NYAP2: variants seen among roughly 807,000 people sequenced by gnomAD.
NYAP2 encodes neuronal tyrosine-phosphorylated phosphoinositide-3-kinase adaptor 2, also known as neuronal tyrosine-phosphorylated phosphoinositide-3-kinase adapter 2.
NYAP2 carries 23 observed loss-of-function variants against 50.4 expected under a neutral mutation model. The observed-to-expected ratio is 0.46, with a 90% CI of 0.33 to 0.65. The LOEUF (loss-of-function observed/expected upper bound fraction) is 0.65. Among genes scored for constraint, NYAP2 ranks in the 30% least tolerant of loss-of-function variants. The probability of loss-of-function intolerance (pLI) is 0.02; values close to 1 mark genes in which losing one functional copy is unlikely to be tolerated. For missense variants in NYAP2, 885 were observed against 861.0 expected (o/e 1.03, Z -0.35); for synonymous variants, 394 against 365.2 (o/e 1.08, Z -0.90).
chr2:225,467,050 G>C lies in NYAP2; in HGVS notation c.222-46321G>C, dbSNP rs1356335222. On this transcript the variant is annotated intron_variant, in intron 3 of 6. Transcript: ENST00000636099. ...GGTTTTCTACGTTGGCATACTTCCG[G>C]ATCTTGTGTTCCTTCTCCCCTTATT... Among the ~76,000 whole-genome samples, 3 of 152,162 alleles carry C rather than the reference G, an allele frequency of 2.0e-5. No individual in the cohort carries two copies. The East Asian group carries it at 5.8e-4, about 29-fold the overall frequency.
intron 2 of NYAP2, among the ~76,000 whole-genome samples, chr2:225,405,765 T>C (rs10167137): frequency 0.79 from 120,043 of 151,814 alleles, 47,703 homozygotes; most frequent in Non-Finnish European, 0.82. Context: ...TCCCAGTTTC[T>C]TTATTTTCTA....
chr2:225,533,116 C>T (rs1394263293), intron 4 of NYAP2, among the ~76,000 whole-genome samples: 1 of 152,152 alleles, frequency 6.6e-6, no homozygotes, highest in African/African-American at 2.4e-5. Context: ...CCAAAGATGG[C>T]TTCTCAGAGG....
At chr2:225,406,286 T>TG (rs1694937546) in intron 2 of NYAP2, among the ~76,000 whole-genome samples, 1 of 151,934 alleles carries the variant, frequency 6.6e-6, no homozygotes, top group Admixed American at 6.6e-5. Context: ...TTTTTACATG[T>TG]GGACAAGTAA....
intron 5 of NYAP2, among the ~76,000 whole-genome samples, chr2:225,606,338 A>G (rs1692787185): frequency 6.6e-6 from 1 of 152,124 alleles, no homozygotes; most frequent in African/African-American, 2.4e-5. Context: ...TTTATGCGCT[A>G]CATTATTAGT....
intron 4 of NYAP2, among the ~76,000 whole-genome samples, chr2:225,527,129 A>G (rs1559205105): frequency 6.6e-6 from 1 of 152,184 alleles, no homozygotes; most frequent in Non-Finnish European, 1.5e-5. Flanking sequence ...GGTCTCACCC[A>G]ACATCTTCCT....
intron 5 of NYAP2, among the ~76,000 whole-genome samples, chr2:225,607,728 T>A (rs1353358839): frequency 6.6e-6 from 1 of 151,960 alleles, no homozygotes; most frequent in East Asian, 1.9e-4. Context: ...GAACTGAATT[T>A]AGAGGGAATA....
downstream of NYAP2, among the ~76,000 whole-genome samples, chr2:225,656,251 C>T (rs1316908437): frequency 6.6e-6 from 1 of 152,112 alleles, no homozygotes. Context: ...CCTCTGAAGC[C>T]ATGATCTCTG....
At chr2:225,608,707 C>A (rs1574706962) in intron 5 of NYAP2, among the ~76,000 whole-genome samples, 1 of 152,028 alleles carries the variant, frequency 6.6e-6, no homozygotes, top group East Asian at 1.9e-4. Context: ...CGTGTCTCTA[C>A]CACACAGTGA....
intron 5 of NYAP2, among the ~76,000 whole-genome samples, chr2:225,584,103 T>C (rs960596435): frequency 6.6e-6 from 1 of 152,176 alleles, no homozygotes; most frequent in Non-Finnish European, 1.5e-5. Flanking sequence ...AAAACCTGTG[T>C]TGGAAAGAAA....
intron 3 of NYAP2, among the ~76,000 whole-genome samples, chr2:225,446,074 T>C (rs1283463043): frequency 6.6e-6 from 1 of 151,602 alleles, no homozygotes; most frequent in African/African-American, 2.4e-5. Context: ...TCAGCTACTC[T>C]GGAGGCTAAG....
At chr2:225,661,719 G>GCT in the NYAP2 span, among the ~76,000 whole-genome samples, 5 of 136,854 alleles carry the variant, frequency 3.7e-5, no homozygotes, top group South Asian at 2.7e-4. Flanking sequence ...TTTTGAATTT[G>GCT]CTCTCTCTTT....
At chr2:225,411,356 A>T (rs550529307) in intron 3 of NYAP2, among the ~76,000 whole-genome samples, 1 of 152,286 alleles carries the variant, frequency 6.6e-6, no homozygotes, top group Admixed American at 6.5e-5. Context: ...TAGCAGAATG[A>T]TGTTTCCATT....
intron 5 of NYAP2, among the ~76,000 whole-genome samples, chr2:225,595,241 G>A (rs1692576419): frequency 3.3e-5 from 5 of 152,174 alleles, no homozygotes. Flanking sequence ...ATAAAATAGA[G>A]ATTGGGGTAT....
intron 3 of NYAP2, among the ~76,000 whole-genome samples, chr2:225,458,203 C>T (rs1186751239): frequency 1.3e-5 from 2 of 151,994 alleles, no homozygotes; most frequent in African/African-American, 4.8e-5. Context: ...TTATTGTACT[C>T]TGCGTACTAC....
At chr2:225,471,418 A>G (rs935980270) in intron 3 of NYAP2, among the ~76,000 whole-genome samples, 76 of 152,356 alleles carry the variant, frequency 5.0e-4, no homozygotes, top group African/African-American at 1.7e-3. Flanking sequence ...TTTGAAAATA[A>G]TATTTTCTCT....
upstream of NYAP2, among the ~76,000 whole-genome samples, chr2:225,398,693 G>C (rs972633885): frequency 6.6e-6 from 1 of 151,812 alleles, no homozygotes; most frequent in African/African-American, 2.4e-5. Flanking sequence ...AGAGAGGTCT[G>C]GCCTCTTCTC....
chr2:225,470,192 T>A, intron 3 of NYAP2, among the ~76,000 whole-genome samples: 1 of 152,130 alleles, frequency 6.6e-6, no homozygotes, highest in African/African-American at 2.4e-5. Flanking sequence ...TTTCCTAATG[T>A]TATTTGTGAC....
At chr2:225,615,262 A>G (rs1280150509) in intron 5 of NYAP2, among the ~76,000 whole-genome samples, 4 of 152,290 alleles carry the variant, frequency 2.6e-5, no homozygotes, top group African/African-American at 9.6e-5. Context: ...ACATAAATGA[A>G]AAAATAGATT....
intron 3 of NYAP2, among the ~76,000 whole-genome samples, chr2:225,409,664 G>A (rs1438814774): frequency 6.6e-6 from 1 of 152,066 alleles, no homozygotes; most frequent in Non-Finnish European, 1.5e-5. Context: ...TTACTTTTAT[G>A]ATGCAAAACC....
Sources: allele counts gnomAD v4.1 joint callset (sites outside exome capture counted in the v4.1 genomes callset), GRCh38; gene constraint gnomAD v4.1.1; transcripts MANE v1.5; gene names NCBI Gene and HGNC (gene_info 2026-07-23, HGNC 2026-07-21).